COG5: variants seen among roughly 807,000 people sequenced by gnomAD.
COG5 encodes the protein conserved oligomeric Golgi complex subunit 5.
Under a neutral mutation model 110.4 loss-of-function variants are expected in COG5, and 86 were observed. That is an observed-to-expected ratio of 0.78 (90% CI 0.65 to 0.93). The LOEUF is 0.93. Ranked by LOEUF, COG5 falls within the 40% of genes least tolerant of loss-of-function variation. The pLI is 0.00. For missense variants in COG5, 1,077 were observed against 987.0 expected, an observed-to-expected ratio of 1.09 and a Z score of -1.22; for synonymous variants, 360 against 334.6, an observed-to-expected ratio of 1.08 and a Z score of -0.83.
At chr7:107,395,372 T>C (rs374956744) in intron 7 of COG5, among the ~76,000 whole-genome samples, 2 of 151,946 alleles carry the variant, frequency 1.3e-5, no homozygotes, top group Non-Finnish European at 2.9e-5. Flanking sequence ...CTCACTGTGT[T>C]TTCCCAAAGA....
chr7:107,437,833 C>A (rs530470641), intron 6 of COG5, among the ~76,000 whole-genome samples: 1 of 152,176 alleles, frequency 6.6e-6, no homozygotes, highest in East Asian at 1.9e-4. Context: ...TCCACTTTCC[C>A]CTTGATCATA....
intron 8 of COG5, among the ~76,000 whole-genome samples, chr7:107,370,306 TA>T (rs982094641): frequency 2.6e-5 from 4 of 151,956 alleles, no homozygotes; most frequent in Admixed American, 2.6e-4. Flanking sequence ...CTTACACTTA[TA>T]AAAAAATTGT....
chr7:107,454,130 A>G (rs1047401844), intron 6 of COG5, among the ~76,000 whole-genome samples: 2 of 151,762 alleles, frequency 1.3e-5, no homozygotes, highest in African/African-American at 4.9e-5. Context: ...AGTGTATATA[A>G]TTGAAAAATA....
intron 6 of COG5, among the ~76,000 whole-genome samples, chr7:107,438,821 A>G (rs76961480): frequency 0.019 from 2,850 of 152,288 alleles, 87 homozygotes; most frequent in African/African-American, 0.063. Context: ...TGAAGAAAAT[A>G]AATTCATACC....
At chr7:107,503,888 A>G (rs550497868) in intron 6 of COG5, among the ~76,000 whole-genome samples, 2 of 152,202 alleles carry the variant, frequency 1.3e-5, no homozygotes, top group South Asian at 2.1e-4. Flanking sequence ...AGTCTTCTGG[A>G]GCAGTCTTTA....
chr7:107,553,723 T>C (rs1228671548), intron 3 of COG5, among the ~76,000 whole-genome samples: 2 of 152,200 alleles, frequency 1.3e-5, no homozygotes, highest in African/African-American at 4.8e-5. Flanking sequence ...CAATTATTAC[T>C]TGACTATATT....
chr7:107,471,354 T>G (rs1331709606), intron 6 of COG5: 1 of 152,076 alleles, frequency 6.6e-6, no homozygotes, highest in Non-Finnish European at 1.5e-5. Context: ...TCTTAACCAA[T>G]TTTCTTCTTT....
At chr7:107,460,651 A>C (rs1050337233) in intron 6 of COG5, among the ~76,000 whole-genome samples, 9 of 152,162 alleles carry the variant, frequency 5.9e-5, no homozygotes. Context: ...AACATTGTTC[A>C]TTAAGAACAA....
At chr7:107,216,682 C>T (rs543350422) in intron 19 of COG5, among the ~76,000 whole-genome samples, 2 of 151,998 alleles carry the variant, frequency 1.3e-5, no homozygotes, top group South Asian at 4.2e-4. Context: ...AAAGAGAAAT[C>T]AAAAAACATC....
intron 10 of COG5, among the ~76,000 whole-genome samples, chr7:107,338,865 C>A (rs895173208): frequency 3.3e-5 from 5 of 151,966 alleles, no homozygotes; most frequent in Admixed American, 3.3e-4. Context: ...AACAAGAGAT[C>A]CTTAAGGGAG....
At position 107,210,310 on chromosome 7, in the gene COG5, T is replaced by G. The variant is rs6949961; in HGVS notation, c.2375+216A>C. The G allele has an allele frequency of 0.21, 293,574 of 1,422,944 alleles. 31,884 individuals carry two copies. The highest frequency in any genetic ancestry group is 0.22 in the Non-Finnish European group (243,948 of 1,091,716). 88.1% of individuals were successfully genotyped at this position (1,422,944 alleles called of 1,614,324 possible). On this transcript the variant is annotated intron_variant, in intron 21 of 21. Transcript: ENST00000297135. Reference sequence around the variant, plus strand: ...GACACAGGATTGCACATCAGGGATATGAAGGTTTGGAATGAAAGAAAGCAA... The same window carrying G: ...GACACAGGATTGCACATCAGGGATAGGAAGGTTTGGAATGAAAGAAAGCAA...
In COG5 at chr7:107,557,969, G is replaced by C; in HGVS notation, c.234+7C>G. The C allele has an allele frequency of 6.2e-7, 1 of 1,613,928 alleles. No individual in the cohort carries two copies. The highest frequency in any genetic ancestry group is 8.5e-7 in the Non-Finnish European group (1 of 1,179,914). On this transcript the variant is annotated splice_region_variant and intron_variant, in intron 2 of 21. Transcript: ENST00000297135. ...TAATCCATAGGGACCCAGAAGATCAGAATTACCTGTAAGTGTAGTTCTCTG... is the reference window on the plus strand; with the variant it reads ...TAATCCATAGGGACCCAGAAGATCACAATTACCTGTAAGTGTAGTTCTCTG...
In COG5 at chr7:107,476,183, TTAAA is replaced by T. The variant is rs1271566125; in HGVS notation, c.538+51050_538+51053del. ...TCTGGATTAATATAGTGCAATGATTTTAAAAAAAAAAAAAAAAAAAAAAAGAACA... is the reference window on the plus strand; with the variant it reads ...TCTGGATTAATATAGTGCAATGATTTAAAAAAAAAAAAAAAAAAAAGAACA... On this transcript the variant is annotated intron_variant, in intron 6 of 21. Transcript: ENST00000297135. Among the ~76,000 whole-genome samples, 469 of 86,498 alleles carry T rather than the reference TTAAA, an allele frequency of 5.4e-3. 11 individuals are homozygous for T. The highest frequency in any genetic ancestry group is 0.024 in the African/African-American group (411 of 17,240). 56.7% of individuals were successfully genotyped at this position (86,498 alleles called of 152,430 possible). A position where few individuals can be genotyped will look rare whatever the true frequency, so the allele number is the denominator to read the frequency against.
At position 107,548,176 on chromosome 7, in the gene COG5, T is replaced by C. The variant is rs757576773; in HGVS notation, c.352A>G (p.Lys118Glu). 1 of 1,613,854 alleles carries C rather than the reference T, an allele frequency of 6.2e-7. No individual in the cohort carries two copies. Among genetic ancestry groups the C allele is most frequent in the East Asian group, 2.2e-5 (1 of 44,846 alleles). The change falls in exon 5 of 22, where the codon AAA becomes GAA. Residue 118 changes from lysine to glutamate, a missense_variant. Coordinates refer to ENST00000297135, the MANE Select transcript of COG5 (RefSeq NM_006348.5). Reference protein sequence around the residue: ...GALQGAVDRIKAKIVEPYNKI... With the variant: ...GALQGAVDRIEAKIVEPYNKI... ...TTGTATGGTTCAACAATTTTTGCTT[T>C]TATCCTACAGGAAAAGAGAGGAGTG...
intron 5 of COG5, among the ~76,000 whole-genome samples, chr7:107,531,419 T>C (rs1801191104): frequency 2.0e-5 from 3 of 151,850 alleles, no homozygotes; most frequent in African/African-American, 7.3e-5. Context: ...GAAACATAAG[T>C]GACTGCAAAA....
intron 6 of COG5, among the ~76,000 whole-genome samples, chr7:107,420,488 T>C (rs147438068): frequency 0.01 from 1,580 of 152,184 alleles, 27 homozygotes; most frequent in African/African-American, 0.037. Context: ...TGAGACGGAG[T>C]CTTGCTCTGT....
intron 10 of COG5, among the ~76,000 whole-genome samples, chr7:107,333,558 G>A (rs1040663727): frequency 2.6e-5 from 4 of 152,136 alleles, no homozygotes; most frequent in African/African-American, 9.7e-5. Flanking sequence ...TTAGATTAAT[G>A]AGGCAGTCAA....
chr7:107,355,496 T>C (rs1280667839), intron 10 of COG5, among the ~76,000 whole-genome samples: 1 of 152,192 alleles, frequency 6.6e-6, no homozygotes, highest in East Asian at 1.9e-4. Flanking sequence ...GCTTTATTCA[T>C]AACTGGCAAA....
chr7:107,383,058 G>T (rs1266338723), intron 7 of COG5, among the ~76,000 whole-genome samples: 3 of 152,058 alleles, frequency 2.0e-5, no homozygotes, highest in Non-Finnish European at 2.9e-5. Context: ...TCACTCAGAG[G>T]TTTCCTTTTG....
Sources: gnomAD v4.1 joint callset for allele counts (sites outside exome capture counted in the v4.1 genomes callset) on GRCh38, gnomAD v4.1.1 for gene constraint, MANE v1.5 for transcripts, NCBI Gene and HGNC (gene_info 2026-07-23, HGNC 2026-07-21) for gene names.